CNOT7: variants seen among roughly 807,000 people sequenced by gnomAD.
CNOT7 encodes BTG1-binding factor 1.
Under a neutral mutation model 37.1 loss-of-function variants are expected in CNOT7, and 4 were observed. The ratio of observed to expected loss-of-function variants is 0.11; its 90% confidence interval spans 0.05 to 0.25. CNOT7 has a LOEUF of 0.25. Among genes scored for constraint, CNOT7 ranks in the 10% least tolerant of loss-of-function variants. The probability of loss-of-function intolerance (pLI) is 1.00; values close to 1 mark genes in which losing one functional copy is unlikely to be tolerated. For synonymous variants in CNOT7, 128 were observed against 115.6 expected (o/e 1.11, Z -0.69); for missense variants, 170 against 336.2 (o/e 0.51, Z 3.87).
rs1369041905 is a variant in CNOT7 at position 17,227,502 on chromosome 8, G to C, written c.*3218C>G. 2 of 151,822 alleles carry C rather than the reference G, an allele frequency of 1.3e-5. No individual in the cohort carries two copies. 9.4% of individuals were successfully genotyped at this position (151,822 alleles called of 1,614,324 possible). A position where few individuals can be genotyped will look rare whatever the true frequency, so the allele number is the denominator to read the frequency against. ...TCTCTGGACACATGTCTTTGGGTTG[G>C]TTACTATCTTCAAGCACGATGTAAT... On this transcript the variant is annotated 3_prime_UTR_variant, in exon 7 of 7. Coordinates refer to ENST00000361272, the MANE Select transcript of CNOT7 (RefSeq NM_013354.7).
intron 6 of CNOT7, chr8:17,232,170 A>G: frequency 8.2e-7 from 1 of 1,218,372 alleles, no homozygotes; most frequent in Non-Finnish European, 1.0e-6. Context: ...ATATGGTTGG[A>G]CCTACATGAC....
intron 6 of CNOT7, chr8:17,231,502 TCAA>T (rs1426218342): frequency 3.9e-5 from 38 of 984,022 alleles, no homozygotes; most frequent in East Asian, 1.1e-4. Context: ...CACTTCTGAA[TCAA>T]CAACACTACT....
intron 6 of CNOT7, chr8:17,231,781 A>T: frequency 4.1e-6 from 4 of 985,574 alleles, no homozygotes; most frequent in South Asian, 4.7e-5. Context: ...TTCCATCCCT[A>T]ACACTTTATA....
At position 17,227,469 on chromosome 8, in the gene CNOT7, C is replaced by CTTAA. The variant is rs1430927998; in HGVS notation, c.*3247_*3250dup. The CTTAA allele has an allele frequency of 1.1e-4, 16 of 151,842 alleles. No homozygotes were observed. The highest frequency in any genetic ancestry group is 3.4e-4 in the African/African-American group (14 of 41,410). 9.4% of individuals were successfully genotyped at this position (151,842 alleles called of 1,614,324 possible). On this transcript the variant is annotated 3_prime_UTR_variant, in exon 7 of 7. Transcript: ENST00000361272. ...ACTGTTCTCATCAAAGGGCTGATGT[C>CTTAA]TTAATTTTCTCTGGACACATGTCTT...
rs61036000 is a variant in CNOT7 at position 17,226,029 on chromosome 8, C to CTTTTTTTTTTTTTT, written c.*4677_*4690dup. The CTTTTTTTTTTTTTT allele has an allele frequency of 1.2e-4, 7 of 58,720 alleles. No individual in the cohort carries two copies. Among genetic ancestry groups the CTTTTTTTTTTTTTT allele is most frequent in the African/African-American group, 4.0e-4 (6 of 15,082 alleles). The allele number at this position is 58,720 out of a possible 1,614,324, so 3.6% of individuals were successfully genotyped here. A position where few individuals can be genotyped will look rare whatever the true frequency, so the allele number is the denominator to read the frequency against. ...TCTTCTAGTAGAGAGGTGGACAAGC[C>CTTTTTTTTTTTTTT]TTTTTTTTTTTTTTTTTTTTTTTTT... On this transcript the variant is annotated 3_prime_UTR_variant, in exon 7 of 7. Coordinates refer to ENST00000361272, the MANE Select transcript of CNOT7 (RefSeq NM_013354.7).
chr8:17,243,354 A>C (rs1333702058), intron 2 of CNOT7, 169 bp from the exon 3 acceptor site: 7 of 638,378 alleles, frequency 1.1e-5, no homozygotes, highest in Non-Finnish European at 1.9e-5. Flanking sequence ...TAGAACCATA[A>C]AACTCTATAA....
intron 3 of CNOT7, 60 bp from the exon 4 acceptor site, chr8:17,237,433 T>C (rs1207074680): frequency 6.6e-6 from 10 of 1,504,308 alleles, no homozygotes; most frequent in African/African-American, 1.4e-5. Context: ...CAAGCTGTTC[T>C]TCTGCTTACA....
intron 1 of CNOT7, 123 bp from the exon 2 acceptor site, chr8:17,245,370 C>A: frequency 4.7e-6 from 2 of 424,498 alleles, no homozygotes; most frequent in Non-Finnish European, 8.0e-6. Flanking sequence ...AAAAAAAAAT[C>A]AAAGTTTAGA....
At position 17,234,719 on chromosome 8, in the gene CNOT7, G is replaced by T; in HGVS notation, c.615C>A (p.Leu205=). The T allele has an allele frequency of 6.2e-7, 1 of 1,614,004 alleles. No individual in the cohort carries two copies. Among genetic ancestry groups the T allele is most frequent in the South Asian group, 1.1e-5 (1 of 91,048 alleles). Residue 205 remains leucine, a synonymous_variant, in exon 5 of 7, where the codon CTC becomes CTA. Coordinates refer to ENST00000361272, the MANE Select transcript of CNOT7 (RefSeq NM_013354.7). ...VKYLMKSCKN[L]KGGLQEVAEQ... Reference sequence around the variant, plus strand: ...ATAATGCCATCCGAAGCCTTACTTTGAGATTTTTGCAGCTCTTCATGAGGT... The same window carrying T: ...ATAATGCCATCCGAAGCCTTACTTTTAGATTTTTGCAGCTCTTCATGAGGT...
At chr8:17,239,697 G>A (rs1399571769) in intron 3 of CNOT7, among the ~76,000 whole-genome samples, 1 of 151,992 alleles carries the variant, frequency 6.6e-6, no homozygotes, top group Non-Finnish European at 1.5e-5. Context: ...GTTTCACCGT[G>A]TTAGCCAGGA....
At chr8:17,243,853 A>T (rs944331200) in intron 2 of CNOT7, among the ~76,000 whole-genome samples, 1 of 152,202 alleles carries the variant, frequency 6.6e-6, no homozygotes, top group African/African-American at 2.4e-5. Context: ...CACCTTTATC[A>T]AATAGTATGT....
chr8:17,243,223 G>C (rs778935823), intron 2 of CNOT7, 38 bp from the exon 3 acceptor site: 3 of 1,481,016 alleles, frequency 2.0e-6, no homozygotes, highest in Non-Finnish European at 9.1e-7. Context: ...GTACTAAACA[G>C]TCAAAACTAC....
chr8:17,240,776 G>C (rs1056553932), intron 3 of CNOT7, among the ~76,000 whole-genome samples: 1 of 152,174 alleles, frequency 6.6e-6, no homozygotes. Context: ...AAAAAGGATA[G>C]GAGGCAATTT....
chr8:17,232,365 CA>C, intron 6 of CNOT7, 61 bp downstream of exon 6: 1 of 1,610,660 alleles, frequency 6.2e-7, no homozygotes. Context: ...TCTTTGGCCA[CA>C]AGATTTTTAA....
In CNOT7 at chr8:17,226,383, A is replaced by T. The variant is rs1057493747; in HGVS notation, c.*4337T>A. On this transcript the variant is annotated 3_prime_UTR_variant, in exon 7 of 7. Coordinates refer to ENST00000361272, the MANE Select transcript of CNOT7 (RefSeq NM_013354.7). ...ATTTCATCTTTGAAAATGTCTTTTC[A>T]CACAAACAGGTCAAGGTACTGCTAA... 6.8e-6 allele frequency: 1 copy of T among 146,802 alleles called. No homozygotes were observed. The highest frequency in any genetic ancestry group is 6.7e-5 in the Admixed American group (1 of 14,902). The allele number at this position is 146,802 out of a possible 1,614,324, so 9.1% of individuals were successfully genotyped here.
intron 5 of CNOT7, 75 bp from the exon 6 acceptor site, chr8:17,232,612 C>A: frequency 7.8e-7 from 1 of 1,275,142 alleles, no homozygotes; most frequent in Non-Finnish European, 1.1e-6. Flanking sequence ...TAAACTTAGA[C>A]GCTGACCAAA....
chr8:17,227,618 A>G lies in CNOT7; in HGVS notation c.*3102T>C, dbSNP rs1191011616. On this transcript the variant is annotated 3_prime_UTR_variant, in exon 7 of 7. Coordinates refer to ENST00000361272, the MANE Select transcript of CNOT7 (RefSeq NM_013354.7). ...CAGCCTCATTTTTATTACTTTTGTG[A>G]AATTTTGCTGTGATGTTTCATTTAA... The G allele has an allele frequency of 6.6e-6, 1 of 151,854 alleles. No homozygotes were observed. Among genetic ancestry groups the G allele is most frequent in the Admixed American group, 6.6e-5 (1 of 15,242 alleles). The allele number at this position is 151,854 out of a possible 1,614,324, so 9.4% of individuals were successfully genotyped here.
At position 17,226,164 on chromosome 8, in the gene CNOT7, A is replaced by G. The variant is rs1808144191; in HGVS notation, c.*4556T>C. On this transcript the variant is annotated 3_prime_UTR_variant, in exon 7 of 7. Coordinates refer to ENST00000361272, the MANE Select transcript of CNOT7 (RefSeq NM_013354.7). ...CACCAAATTTTTATTCTAAAAATTG[A>G]AAACTCAAAATATTGAGTACAATTT... 1 of 151,146 alleles carries G rather than the reference A, an allele frequency of 6.6e-6. No individual in the cohort carries two copies. Among genetic ancestry groups the G allele is most frequent in the African/African-American group, 2.4e-5 (1 of 41,224 alleles). The allele number at this position is 151,146 out of a possible 1,614,324, so 9.4% of individuals were successfully genotyped here.
chr8:17,229,564 T>A lies in CNOT7; in HGVS notation c.*1156A>T, dbSNP rs1392992047. 3 of 151,936 alleles carry A rather than the reference T, an allele frequency of 2.0e-5. No individual in the cohort carries two copies. Among genetic ancestry groups the A allele is most frequent in the Non-Finnish European group, 4.4e-5 (3 of 67,736 alleles). The allele number at this position is 151,936 out of a possible 1,614,324, so 9.4% of individuals were successfully genotyped here. A position where few individuals can be genotyped will look rare whatever the true frequency, so the allele number is the denominator to read the frequency against. ...TCACAGTCTCTTTTGTCAATATATA[T>A]AAAATAGATTGCAAAGATATACACA... is the stretch of plus-strand genomic sequence containing the variant. On this transcript the variant is annotated 3_prime_UTR_variant, in exon 7 of 7. Transcript: ENST00000361272.
Sources: gnomAD v4.1 joint callset for allele counts (sites outside exome capture counted in the v4.1 genomes callset) on GRCh38, gnomAD v4.1.1 for gene constraint, MANE v1.5 for transcripts, NCBI Gene and HGNC (gene_info 2026-07-23, HGNC 2026-07-21) for gene names.